Variants in SEMA5A observed in about 807,000 individuals in gnomAD.
SEMA5A encodes semaphorin 5A, also known as semaphorin-5A.
Under a neutral mutation model 135.5 loss-of-function variants are expected in SEMA5A, and 55 were observed. The observed-to-expected ratio is 0.41, with a 90% CI of 0.33 to 0.51. The LOEUF (loss-of-function observed/expected upper bound fraction) is 0.51. Among genes scored for constraint, SEMA5A ranks in the 20% least tolerant of loss-of-function variants. SEMA5A has a pLI of 0.37. For synonymous variants in SEMA5A, 580 were observed against 546.5 expected (o/e 1.06, Z -0.85); for missense variants, 1,290 against 1,419.9 (o/e 0.91, Z 1.47).
intron 10 of SEMA5A, 136 bp downstream of exon 10, chr5:9,197,032 G>T (rs1745423711): frequency 1.6e-6 from 2 of 1,224,574 alleles, no homozygotes; most frequent in Non-Finnish European, 1.1e-6. Flanking sequence ...AGAGTATGGG[G>T]CTGTCCATGA....
At chr5:9,220,827 A>G (rs1746905906) in intron 8 of SEMA5A, among the ~76,000 whole-genome samples, 1 of 152,212 alleles carries the variant, frequency 6.6e-6, no homozygotes, top group East Asian at 1.9e-4. Flanking sequence ...ATCGGTCCTC[A>G]AATAATGTAA....
In SEMA5A at chr5:9,037,787, A is replaced by G. The variant is rs1735730827; in HGVS notation, c.*5110T>C. ...GCAGATAACCTGAATTCCTTGGCTT[A>G]GTGTTTGTAGAGTTTAAAAAAAAAT... On this transcript the variant is annotated 3_prime_UTR_variant, in exon 23 of 23. Coordinates refer to ENST00000382496, the MANE Select transcript of SEMA5A (RefSeq NM_003966.3). 2 of 152,166 alleles carry G rather than the reference A, an allele frequency of 1.3e-5. No homozygotes were observed. The highest frequency in any genetic ancestry group is 4.8e-5 in the African/African-American group (2 of 41,452). The allele number at this position is 152,166 out of a possible 1,614,324, so 9.4% of individuals were successfully genotyped here. A position where few individuals can be genotyped will look rare whatever the true frequency, so the allele number is the denominator to read the frequency against.
intron 2 of SEMA5A, among the ~76,000 whole-genome samples, chr5:9,393,514 C>G (rs1756256012): frequency 1.3e-5 from 2 of 152,202 alleles, no homozygotes; most frequent in South Asian, 2.1e-4. Flanking sequence ...CACCATTAAC[C>G]TTATGCTTCA....
intron 9 of SEMA5A, among the ~76,000 whole-genome samples, chr5:9,199,507 G>C (rs1427215441): frequency 1.3e-5 from 2 of 152,114 alleles, no homozygotes; most frequent in Non-Finnish European, 2.9e-5. Context: ...GGCAGGCGAG[G>C]GCAGCCCAGG....
At chr5:9,270,114 G>A (rs1172433298) in intron 5 of SEMA5A, among the ~76,000 whole-genome samples, 1 of 152,114 alleles carries the variant, frequency 6.6e-6, no homozygotes, top group Non-Finnish European at 1.5e-5. Context: ...ATACATTCCA[G>A]GCAGAGAGGT....
rs1254808437 is a variant in SEMA5A, at chr5:9,037,194, C to T, written c.*5703G>A. ...TCCTCTTTCCAGATCTGAAAGTGCC[C>T]TTGACTAGTTCCTGCCATTGCGCCA... On this transcript the variant is annotated 3_prime_UTR_variant, in exon 23 of 23. Coordinates refer to ENST00000382496, the MANE Select transcript of SEMA5A (RefSeq NM_003966.3). The T allele has an allele frequency of 1.3e-5, 2 of 152,138 alleles. No individual in the cohort carries two copies. The highest frequency in any genetic ancestry group is 1.3e-4 in the Admixed American group (2 of 15,266). The allele number at this position is 152,138 out of a possible 1,614,324, so 9.4% of individuals were successfully genotyped here. A position where few individuals can be genotyped will look rare whatever the true frequency, so the allele number is the denominator to read the frequency against.
At chr5:9,478,486 C>G (rs1223917475) in intron 1 of SEMA5A, among the ~76,000 whole-genome samples, 1 of 152,236 alleles carries the variant, frequency 6.6e-6, no homozygotes, top group African/African-American at 2.4e-5. Flanking sequence ...TGCAGAACCA[C>G]AGGGTCAAGG....
intron 1 of SEMA5A, among the ~76,000 whole-genome samples, chr5:9,499,923 G>T (rs1298525024): frequency 2.6e-5 from 4 of 151,812 alleles, no homozygotes; most frequent in Non-Finnish European, 5.9e-5. Flanking sequence ...AAAGTCTGAA[G>T]CTGGTTCTGC....
At chr5:9,369,272 G>T (rs1465379192) in intron 3 of SEMA5A, among the ~76,000 whole-genome samples, 2 of 151,978 alleles carry the variant, frequency 1.3e-5, no homozygotes, top group Admixed American at 6.5e-5. Flanking sequence ...CAAATATTTT[G>T]CAAATATTCC....
In SEMA5A at chr5:9,241,144, T is replaced by C. The variant is rs762575154; in HGVS notation, c.271-3254A>G. Reference sequence around the variant, plus strand: ...AGATTAGATACAGTAGGCAGTGAGTTTGAAACACCTACATTTTAAAAGACA... The same window carrying C: ...AGATTAGATACAGTAGGCAGTGAGTCTGAAACACCTACATTTTAAAAGACA... On this transcript the variant is annotated intron_variant, in intron 5 of 22. Coordinates refer to ENST00000382496, the MANE Select transcript of SEMA5A (RefSeq NM_003966.3). Among the ~76,000 whole-genome samples the C allele has an allele frequency of 9.9e-5, 15 of 152,250 alleles. 1 individual carries two copies. The highest frequency in any genetic ancestry group is 3.6e-4 in the African/African-American group (15 of 41,574).
rs1188339808 is a variant in SEMA5A at position 9,381,939 on chromosome 5, A to ATT, written c.-77-1918_-77-1917dup. ...ATTTTGTTTAGATGAGATTAGAATC[A>ATT]TTTTGTGTGTGTGTGTGTGTGTGTG... On this transcript the variant is annotated intron_variant, in intron 2 of 22. Coordinates refer to ENST00000382496, the MANE Select transcript of SEMA5A (RefSeq NM_003966.3). Among the ~76,000 whole-genome samples the ATT allele has an allele frequency of 1.6e-4, 10 of 63,290 alleles. No individual in the cohort carries two copies. The East Asian group carries it at 3.6e-3, about 23-fold the overall frequency. The allele number at this position is 63,290 out of a possible 152,430, so 41.5% of individuals were successfully genotyped here.
chr5:9,107,035 A>G (rs892834974), intron 16 of SEMA5A, among the ~76,000 whole-genome samples: 11 of 152,178 alleles, frequency 7.2e-5, no homozygotes, highest in African/African-American at 2.4e-4. Context: ...TGGTTTTTGC[A>G]TGTCACAAAA....
At chr5:9,543,013 A>G (rs1440103440) in intron 1 of SEMA5A, among the ~76,000 whole-genome samples, 12 of 152,344 alleles carry the variant, frequency 7.9e-5, no homozygotes, top group East Asian at 7.7e-4. Context: ...ATGACCAAAA[A>G]TAAAATCACT....
intron 1 of SEMA5A, chr5:9,519,990 A>G (rs922262357): frequency 3.9e-5 from 6 of 152,248 alleles, no homozygotes; most frequent in Admixed American, 2.0e-4. Context: ...AAAGTGAAAA[A>G]TGGAGTGTCA....
intron 4 of SEMA5A, among the ~76,000 whole-genome samples, chr5:9,337,307 T>C (rs1337904595): frequency 6.6e-6 from 1 of 152,150 alleles, no homozygotes; most frequent in Non-Finnish European, 1.5e-5. Flanking sequence ...CAGGAACATG[T>C]TTTCAGGAGT....
Position 9,251,429 on chromosome 5 carries a change from A to G in SEMA5A, c.271-13539T>C, listed in dbSNP as rs566228746. On this transcript the variant is annotated intron_variant, in intron 5 of 22. Coordinates refer to ENST00000382496, the MANE Select transcript of SEMA5A (RefSeq NM_003966.3). ...ATCAGCCAACTTTAGAATTCACACT[A>G]AAGTTTCAGCTGTACTGTGTCTCAA... is the stretch of plus-strand genomic sequence containing the variant. Among the ~76,000 whole-genome samples the G allele has an allele frequency of 6.6e-5, 10 of 152,216 alleles. No homozygotes were observed. The East Asian group carries it at 1.5e-3, about 23-fold the overall frequency.
chr5:9,042,916 T>C lies in SEMA5A; in HGVS notation c.3206A>G (p.Asn1069Ser), dbSNP rs781504468. The C allele has an allele frequency of 6.2e-6, 10 of 1,613,898 alleles. No individual in the cohort carries two copies. Among genetic ancestry groups the C allele is most frequent in the Admixed American group, 5.0e-5 (3 of 60,000 alleles). ...AAGCTGTTAGTACTCATCATAATTA[T>C]TGAGATCTGTAAAGTAGGCATTAGA... ...TYSNAYFTDL[N>S]NYDEY Residue 1069 changes from asparagine (N) to serine (S), a missense_variant, in exon 23 of 23, where the codon AAT (asparagine) becomes AGT (serine). Transcript: ENST00000382496.
intron 12 of SEMA5A, among the ~76,000 whole-genome samples, chr5:9,140,515 C>A (rs1174228330): frequency 1.3e-5 from 2 of 152,246 alleles, no homozygotes; most frequent in South Asian, 2.1e-4. Flanking sequence ...ATGAGACAGA[C>A]CCGGGTGGGG....
At chr5:9,178,929 C>G (rs779990264) in intron 11 of SEMA5A, among the ~76,000 whole-genome samples, 3 of 152,182 alleles carry the variant, frequency 2.0e-5, no homozygotes, top group Non-Finnish European at 2.9e-5. Flanking sequence ...ACATTATATA[C>G]TCCAGTAACT....
Sources: gnomAD v4.1 joint callset for allele counts (sites outside exome capture counted in the v4.1 genomes callset) on GRCh38, gnomAD v4.1.1 for gene constraint, MANE v1.5 for transcripts, NCBI Gene and HGNC (gene_info 2026-07-23, HGNC 2026-07-21) for gene names.